The following PCDHGB3 variants were observed in gnomAD, a reference collection of about 807,000 sequenced individuals.
PCDHGB3 encodes protocadherin gamma-B3.
A neutral mutation model predicts 59.2 loss-of-function variants in PCDHGB3; 40 were observed. The ratio of observed to expected loss-of-function variants is 0.68; its 90% CI spans 0.52 to 0.88. The LOEUF (loss-of-function observed/expected upper bound fraction) is 0.88, where lower values mean the gene tolerates loss of function less well. Ranked by LOEUF, PCDHGB3 falls within the 40% of genes least tolerant of loss-of-function variation. The pLI, the probability that PCDHGB3 is intolerant of heterozygous loss-of-function variation, is 0.00. For synonymous variants in PCDHGB3, 581 were observed against 503.6 expected, an observed-to-expected ratio of 1.15 and a Z score of -2.06; for missense variants, 1,309 against 1,187.9, an observed-to-expected ratio of 1.10 and a Z score of -1.50.
chr5:141,383,903 TC>T lies in PCDHGB3; in HGVS notation c.2415+11095del, dbSNP rs769022323. On this transcript the variant is annotated intron_variant, in intron 1 of 3. Transcript: ENST00000576222. ...AGTCTGACAAAGGCAAAAGTACTGA[TC>T]ACAGTTTTAGATGTAAATGATAATG... The T allele has an allele frequency of 8.9e-5, 144 of 1,613,802 alleles. 1 individual carries two copies. The highest frequency in any genetic ancestry group is 1.1e-4 in the Non-Finnish European group (134 of 1,179,876).
intron 1 of PCDHGB3, among the ~76,000 whole-genome samples, chr5:141,425,406 T>C (rs915792432): frequency 3.9e-5 from 6 of 152,222 alleles, no homozygotes; most frequent in Non-Finnish European, 7.3e-5. Flanking sequence ...TCTGTTAAGG[T>C]ATAACATATA....
intron 1 of PCDHGB3, among the ~76,000 whole-genome samples, chr5:141,381,472 A>G (rs1777217104): frequency 6.6e-6 from 1 of 152,246 alleles, no homozygotes; most frequent in Non-Finnish European, 1.5e-5. Context: ...AATGCTGTCT[A>G]GAGATCCCTG....
At chr5:141,404,655 C>T (rs2094551486) in intron 1 of PCDHGB3, 1 of 1,614,062 alleles carries the variant, frequency 6.2e-7, no homozygotes, top group Non-Finnish European at 8.5e-7. Flanking sequence ...CCTGCCCTCC[C>T]CACTGATGGT....
chr5:141,382,821 CAG>C, intron 1 of PCDHGB3: 1 of 1,306,412 alleles, frequency 7.7e-7, no homozygotes, highest in South Asian at 1.5e-5. Context: ...CTTCCTAAGA[CAG>C]AGGGGTCCAC....
chr5:141,384,717 C>T (rs575459465), intron 1 of PCDHGB3: 3 of 1,614,166 alleles, frequency 1.9e-6, no homozygotes, highest in African/African-American at 2.7e-5. Flanking sequence ...GGCTGTCATA[C>T]CTCCTGCTTA....
intron 1 of PCDHGB3, chr5:141,409,404 A>T: frequency 5.0e-6 from 8 of 1,614,046 alleles, no homozygotes; most frequent in Non-Finnish European, 6.8e-6. Flanking sequence ...TCCAATAACT[A>T]CTACAAACTG....
intron 1 of PCDHGB3, chr5:141,408,627 T>A: frequency 6.2e-7 from 1 of 1,613,916 alleles, no homozygotes; most frequent in Admixed American, 1.7e-5. Flanking sequence ...CATTTAGAAA[T>A]TTTCGAATCT....
At chr5:141,446,128 G>T (rs1242643475) in intron 1 of PCDHGB3, among the ~76,000 whole-genome samples, 1 of 152,188 alleles carries the variant, frequency 6.6e-6, no homozygotes, top group Admixed American at 6.5e-5. Context: ...GGTTCAATAA[G>T]ACTTAATAAT....
chr5:141,476,725 C>G lies in PCDHGB3; in HGVS notation c.2416-18082C>G. On this transcript the variant is annotated intron_variant, in intron 1 of 3. Coordinates refer to ENST00000576222, the MANE Select transcript of PCDHGB3 (RefSeq NM_018924.5). This position sits in a 1 kb window ranked among gnomAD's most constrained non-coding sequence, Gnocchi z 7.6. ...AGCTGGTGTTGGAGCGCGCCCTGGA[C>G]CGAGAACGGGAGCCTAGTCTCCAGT... The G allele has an allele frequency of 6.2e-7, 1 of 1,614,132 alleles. No homozygotes were observed. Among genetic ancestry groups the G allele is most frequent in the Non-Finnish European group, 8.5e-7 (1 of 1,180,038 alleles).
rs558730748 is a variant in PCDHGB3, at chr5:141,469,995, G to A, written c.2416-24812G>A. Reference sequence around the variant, plus strand: ...AAAATACAAAAATTAGCTGGTCGTCGTGGCACGCCTGTAATCCCAGCTACT... The same window carrying A: ...AAAATACAAAAATTAGCTGGTCGTCATGGCACGCCTGTAATCCCAGCTACT... On this transcript the variant is annotated intron_variant, in intron 1 of 3. Coordinates refer to ENST00000576222, the MANE Select transcript of PCDHGB3 (RefSeq NM_018924.5). Among the ~76,000 whole-genome samples, 8 of 152,194 alleles carry A rather than the reference G, an allele frequency of 5.3e-5. No homozygotes were observed. In the East Asian group the frequency reaches 5.8e-4, roughly 11 times the overall value.
At chr5:141,398,882 G>C in intron 1 of PCDHGB3, 1 of 1,613,930 alleles carries the variant, frequency 6.2e-7, no homozygotes, top group Non-Finnish European at 8.5e-7. Flanking sequence ...GTCAGCCTTC[G>C]GGAAAACGTG....
chr5:141,376,156 G>C, intron 1 of PCDHGB3: 2 of 1,614,074 alleles, frequency 1.2e-6, no homozygotes, highest in South Asian at 1.1e-5. Context: ...ACCTCACTCT[G>C]TACCTGGTGG....
chr5:141,400,700 AAAG>A (rs1199384329), intron 1 of PCDHGB3: 5 of 728,844 alleles, frequency 6.9e-6, no homozygotes, highest in Non-Finnish European at 1.1e-5. Flanking sequence ...ATGTCGCATA[AAAG>A]AAGTAGCCTT....
intron 1 of PCDHGB3, chr5:141,408,785 T>C: frequency 6.2e-7 from 1 of 1,612,308 alleles, no homozygotes; most frequent in Non-Finnish European, 8.5e-7. Context: ...CCCAGAGTTA[T>C]CTCTGGAGAA....
chr5:141,469,565 C>T (rs1410607165), intron 1 of PCDHGB3, among the ~76,000 whole-genome samples: 1 of 152,082 alleles, frequency 6.6e-6, no homozygotes, highest in East Asian at 1.9e-4. Context: ...CAGAGTGAGA[C>T]TCTGTCTCTA....
chr5:141,506,577 A>G (rs2099855057), intron 3 of PCDHGB3, among the ~76,000 whole-genome samples: 1 of 152,162 alleles, frequency 6.6e-6, no homozygotes, highest in South Asian at 2.1e-4. Flanking sequence ...TTCACTTACT[A>G]TTAATGGGCA....
At chr5:141,400,769 T>C (rs2094071773) in intron 1 of PCDHGB3, 2 of 575,796 alleles carry the variant, frequency 3.5e-6, no homozygotes, top group Admixed American at 3.4e-5. Flanking sequence ...GCAAAAACAT[T>C]TGGTGCGTTT....
At chr5:141,471,021 A>C (rs1399168691) in intron 1 of PCDHGB3, among the ~76,000 whole-genome samples, 1 of 136,940 alleles carries the variant, frequency 7.3e-6, no homozygotes, top group African/African-American at 2.7e-5. Flanking sequence ...CTGGTCAATC[A>C]TTTTTATTAA....
At chr5:141,404,234 G>C (rs2094500908) in intron 1 of PCDHGB3, 1 of 1,613,652 alleles carries the variant, frequency 6.2e-7, no homozygotes, top group South Asian at 1.1e-5. Flanking sequence ...AACAGACAGA[G>C]GAACTCCGCC....
Sources: allele counts gnomAD v4.1 joint callset (sites outside exome capture counted in the v4.1 genomes callset), GRCh38; gene constraint gnomAD v4.1.1; non-coding constraint Gnocchi (gnomAD v3.1); transcripts MANE v1.5; gene names NCBI Gene and HGNC (gene_info 2026-07-23, HGNC 2026-07-21).